Variants in OPCML observed in about 807,000 individuals in gnomAD.
OPCML encodes opioid binding protein/cell adhesion molecule like, also known as opioid-binding protein/cell adhesion molecule.
A neutral mutation model predicts 37.8 loss-of-function variants in OPCML; 13 were observed. That is an observed-to-expected ratio of 0.34 (90% CI 0.22 to 0.55). The LOEUF (loss-of-function observed/expected upper bound fraction) is 0.55, where lower values mean the gene tolerates loss of function less well. Ranked by LOEUF, OPCML falls within the 20% of genes least tolerant of loss-of-function variation. The probability of loss-of-function intolerance (pLI) is 0.91; values close to 1 mark genes in which losing one functional copy is unlikely to be tolerated. For missense variants in OPCML, 341 were observed against 435.6 expected, an observed-to-expected ratio of 0.78 and a Z score of 1.93; for synonymous variants, 176 against 168.8, an observed-to-expected ratio of 1.04 and a Z score of -0.33.
At chr11:133,310,978 T>G (rs1214380632) in intron 1 of OPCML, among the ~76,000 whole-genome samples, 1 of 152,168 alleles carries the variant, frequency 6.6e-6, no homozygotes, top group Non-Finnish European at 1.5e-5. Context: ...TTTGAGAAAA[T>G]AGAGCTTACC....
At chr11:133,286,454 G>T (rs1942301747) in intron 1 of OPCML, among the ~76,000 whole-genome samples, 1 of 126,450 alleles carries the variant, frequency 7.9e-6, no homozygotes, top group Non-Finnish European at 1.6e-5. Context: ...TGGCGACAGA[G>T]CGAGACTGTG....
chr11:132,557,881 T>A (rs183973210), intron 3 of OPCML, among the ~76,000 whole-genome samples: 14 of 152,282 alleles, frequency 9.2e-5, no homozygotes, highest in Admixed American at 5.9e-4. Context: ...CTTTTAGAGG[T>A]ATTTATAGAT....
intron 1 of OPCML, among the ~76,000 whole-genome samples, chr11:133,051,683 G>C (rs774438362): frequency 1.2e-4 from 19 of 152,104 alleles, no homozygotes; most frequent in African/African-American, 2.2e-4. Context: ...ATTTTTTCTT[G>C]TAAGCCTCTC....
At chr11:133,024,318 C>T in intron 1 of OPCML, 1 of 983,752 alleles carries the variant, frequency 1.0e-6, no homozygotes, top group Non-Finnish European at 1.2e-6. Flanking sequence ...TGGGAGCATG[C>T]TCTGGGAAGG....
intron 1 of OPCML, among the ~76,000 whole-genome samples, chr11:133,503,783 T>C (rs1028748716): frequency 2.6e-5 from 4 of 152,146 alleles, no homozygotes; most frequent in Non-Finnish European, 5.9e-5. Flanking sequence ...AAGATGAGCC[T>C]CTTCAAAGCC....
chr11:132,819,661 GAC>G (rs79353195), intron 2 of OPCML, among the ~76,000 whole-genome samples: 12,429 of 151,998 alleles, frequency 0.082, 1,217 homozygotes, highest in East Asian at 0.54. Flanking sequence ...TTTTTGTTAT[GAC>G]ACAATATATT....
intron 3 of OPCML, among the ~76,000 whole-genome samples, chr11:132,611,502 T>C (rs1171810289): frequency 1.3e-5 from 2 of 152,204 alleles, no homozygotes; most frequent in South Asian, 2.1e-4. Context: ...TGTTATATAG[T>C]TATTGCTTTT....
chr11:133,220,182 G>T (rs778847913), intron 1 of OPCML, among the ~76,000 whole-genome samples: 3 of 152,128 alleles, frequency 2.0e-5, no homozygotes, highest in Non-Finnish European at 4.4e-5. Flanking sequence ...TTCTACATTG[G>T]GAGCCCAGGC....
intron 2 of OPCML, among the ~76,000 whole-genome samples, chr11:132,680,711 T>A (rs940438848): frequency 2.0e-5 from 3 of 152,224 alleles, no homozygotes; most frequent in African/African-American, 7.2e-5. Context: ...ACACTGTGGA[T>A]AAGCTCTTTA....
At chr11:133,434,264 T>A (rs963418679) in intron 1 of OPCML, among the ~76,000 whole-genome samples, 8 of 152,198 alleles carry the variant, frequency 5.3e-5, no homozygotes, top group African/African-American at 1.9e-4. Context: ...ATGATGTCTA[T>A]GTCTGTGACA....
chr11:133,100,439 G>A (rs984467863), intron 1 of OPCML, among the ~76,000 whole-genome samples: 2 of 152,100 alleles, frequency 1.3e-5, no homozygotes, highest in Non-Finnish European at 2.9e-5. Context: ...ATTTTGCAAA[G>A]TTATTTTGCA....
intron 1 of OPCML, among the ~76,000 whole-genome samples, chr11:133,411,923 T>C (rs1032912898): frequency 2.0e-5 from 3 of 152,162 alleles, no homozygotes; most frequent in Non-Finnish European, 4.4e-5. Context: ...CCCCCACACG[T>C]TGACAATCAG....
At chr11:132,611,648 T>C (rs1441570776) in intron 3 of OPCML, among the ~76,000 whole-genome samples, 1 of 152,158 alleles carries the variant, frequency 6.6e-6, no homozygotes, top group African/African-American at 2.4e-5. Context: ...ATAAATTTCC[T>C]CAAATTATTT....
At chr11:133,033,978 G>A (rs1160195504) in intron 1 of OPCML, among the ~76,000 whole-genome samples, 4 of 152,310 alleles carry the variant, frequency 2.6e-5, no homozygotes, top group Middle Eastern at 3.4e-3. Context: ...TCCAAAAACA[G>A]TAATCTTAAC....
chr11:132,850,573 A>G (rs1324221912), intron 2 of OPCML, among the ~76,000 whole-genome samples: 2 of 151,778 alleles, frequency 1.3e-5, no homozygotes, highest in African/African-American at 4.9e-5. Context: ...ATTTAAAATC[A>G]CTCATGTGTA....
chr11:132,676,480 T>C (rs1001984852), intron 2 of OPCML, among the ~76,000 whole-genome samples: 5 of 151,404 alleles, frequency 3.3e-5, no homozygotes, highest in Admixed American at 3.3e-4. Flanking sequence ...AGAGCACCAG[T>C]GAGAAAGTAA....
At chr11:132,464,003 G>A (rs771721707) in intron 4 of OPCML, among the ~76,000 whole-genome samples, 1 of 152,182 alleles carries the variant, frequency 6.6e-6, no homozygotes, top group Non-Finnish European at 1.5e-5. Flanking sequence ...ACTCCCTGGA[G>A]TTTGAACTAC....
At chr11:132,523,864 A>T (rs1375313674) in intron 4 of OPCML, among the ~76,000 whole-genome samples, 1 of 152,242 alleles carries the variant, frequency 6.6e-6, no homozygotes, top group Non-Finnish European at 1.5e-5. Flanking sequence ...TTACCTGGAA[A>T]ATTCACTTGT....
intron 1 of OPCML, chr11:133,300,112 G>A (rs763129247): frequency 6.6e-6 from 1 of 152,130 alleles, no homozygotes; most frequent in Non-Finnish European, 1.5e-5. Context: ...GAATCACTAT[G>A]GCAGAACTTA....
Sources: allele counts gnomAD v4.1 joint callset (sites outside exome capture counted in the v4.1 genomes callset), GRCh38; gene constraint gnomAD v4.1.1; transcripts MANE v1.5; gene names NCBI Gene and HGNC (gene_info 2026-07-23, HGNC 2026-07-21).